MYBPC3: variants seen among roughly 807,000 people sequenced by gnomAD.
The protein encoded by MYBPC3 is myosin binding protein C3.
Under a neutral mutation model 159.3 loss-of-function variants are expected in MYBPC3, and 108 were observed. The ratio of observed to expected loss-of-function variants is 0.68; its 90% CI spans 0.58 to 0.80. The LOEUF is 0.80. Among genes scored for constraint, MYBPC3 ranks in the 30% least tolerant of loss-of-function variants. The pLI is 0.00. For missense variants in MYBPC3, 1,631 were observed against 1,762.1 expected (o/e 0.93, Z 1.33); for synonymous variants, 730 against 702.0 (o/e 1.04, Z -0.63).
At chr11:47,333,839 GC>G in intron 28 of MYBPC3, 82 bp downstream of exon 28, 1 of 1,549,076 alleles carries the variant, frequency 6.5e-7, no homozygotes, top group South Asian at 1.2e-5. Context: ...GATCAGGCCA[GC>G]CCTGAGACAT....
chr11:47,346,461 C>A lies in MYBPC3; in HGVS notation c.927-91G>T. ...GCCCAGGACCAAGGAGCTGTAGCCA[C>A]CCCTGTCCCTCTGCCCCTTCCCTTC... On this transcript the variant is annotated intron_variant, in intron 11 of 34. Coordinates refer to ENST00000545968, the MANE Select transcript of MYBPC3 (RefSeq NM_000256.3). The surrounding 1 kb of genome is among the most constrained non-coding windows in gnomAD (Gnocchi z 5.3). 6.8e-7 allele frequency: 1 copy of A among 1,466,062 alleles called. No homozygotes were observed. Among genetic ancestry groups the A allele is most frequent in the South Asian group, 1.4e-5 (1 of 71,396 alleles). The allele number at this position is 1,466,062 out of a possible 1,614,324, so 90.8% of individuals were successfully genotyped here.
intron 12 of MYBPC3, among the ~76,000 whole-genome samples, chr11:47,345,226 G>A (rs983831044): frequency 6.6e-6 from 1 of 152,218 alleles, no homozygotes; most frequent in Admixed American, 6.5e-5. Flanking sequence ...TCTGGGCTCA[G>A]CAGTTCAGGA....
In MYBPC3 at chr11:47,351,189, G is replaced by GGCCCACCCC; in HGVS notation, c.292+49_292+50insGGGGTGGGC. The GGCCCACCCC allele has an allele frequency of 6.9e-7, 1 of 1,449,130 alleles. No homozygotes were observed. Among genetic ancestry groups the GGCCCACCCC allele is most frequent in the Non-Finnish European group, 9.2e-7 (1 of 1,087,878 alleles). 89.8% of individuals were successfully genotyped at this position (1,449,130 alleles called of 1,614,324 possible). A position where few individuals can be genotyped will look rare whatever the true frequency, so the allele number is the denominator to read the frequency against. ...TGGATGGATGGAGAGTCGCTGGGCT[G>GGCCCACCCC]CCCCTCCCCCAGCAGCCCAAACCTC... On this transcript the variant is annotated intron_variant, in intron 2 of 34. Coordinates refer to ENST00000545968, the MANE Select transcript of MYBPC3 (RefSeq NM_000256.3). The surrounding 1 kb of genome is among the most constrained non-coding windows in gnomAD (Gnocchi z 4.2).
chr11:47,339,272 T>G, intron 22 of MYBPC3, 52 bp downstream of exon 22: 2 of 1,589,598 alleles, frequency 1.3e-6, no homozygotes. Flanking sequence ...ACCACGTAGG[T>G]AGAAAGTGAT....
rs2095886260 is a variant in MYBPC3, at chr11:47,339,661, G to A, written c.2057C>T (p.Ala686Val). 6.2e-7 allele frequency: 1 copy of A among 1,601,816 alleles called. No homozygotes were observed. The highest frequency in any genetic ancestry group is 8.5e-7 in the Non-Finnish European group (1 of 1,173,206). The change falls in exon 21 of 35, where the codon GCT (alanine) becomes GTT (valine). Residue 686 changes from alanine (A) to valine (V), a missense_variant. Coordinates refer to ENST00000545968, the MANE Select transcript of MYBPC3 (RefSeq NM_000256.3). ...DPAPTVIWQK[A>V]ITQGNKAPAR... ...AGGGACCCACAGTACCTGCGTGATA[G>A]CCTTCTGCCAGATCACAGTGGGAGC...
At chr11:47,339,156 G>A (rs1014849501) in intron 22 of MYBPC3, among the ~76,000 whole-genome samples, 168 bp downstream of exon 22, 2 of 152,242 alleles carry the variant, frequency 1.3e-5, no homozygotes, top group Non-Finnish European at 2.9e-5. Context: ...ACACTTCACA[G>A]AGACCCTCTG....
chr11:47,348,313 G>T (rs768354387), intron 6 of MYBPC3, 111 bp downstream of exon 6: 10 of 806,974 alleles, frequency 1.2e-5, no homozygotes, highest in Non-Finnish European at 1.8e-5. Context: ...CACGTGGCCA[G>T]CACTCATGTC....
chr11:47,337,574 T>A lies in MYBPC3; in HGVS notation c.2419A>T (p.Ile807Phe). 1 of 1,613,962 alleles carries A rather than the reference T, an allele frequency of 6.2e-7. No homozygotes were observed. Among genetic ancestry groups the A allele is most frequent in the South Asian group, 1.1e-5 (1 of 91,076 alleles). ...YDGGQPILGY[I>F]LERKKKKSYR... ...CTCTTCTTCTTCTTGCGCTCCAGGA[T>A]GTAGCCTGGCTCAGGGGAGGTGGCA... The change falls in exon 25 of 35, where the codon ATC becomes TTC. Residue 807 changes from isoleucine (I) to phenylalanine (F), a missense_variant. Coordinates refer to ENST00000545968, the MANE Select transcript of MYBPC3 (RefSeq NM_000256.3).
Position 47,339,424 on chromosome 11 carries a change from G to C in MYBPC3, c.2068-20C>G. On this transcript the variant is annotated intron_variant, in intron 21 of 34. Coordinates refer to ENST00000545968, the MANE Select transcript of MYBPC3 (RefSeq NM_000256.3). ...ATTCCCCTGGGAACAGGGCAGGAGGGAAGTAGGGAGCAGAGGAGCTGACTC... is the reference window on the plus strand; with the variant it reads ...ATTCCCCTGGGAACAGGGCAGGAGGCAAGTAGGGAGCAGAGGAGCTGACTC... The C allele has an allele frequency of 6.2e-7, 1 of 1,612,254 alleles. No individual in the cohort carries two copies. The highest frequency in any genetic ancestry group is 8.5e-7 in the Non-Finnish European group (1 of 1,178,374).
intron 17 of MYBPC3, 50 bp from the exon 18 acceptor site, chr11:47,342,206 C>T (rs2095889415): frequency 3.1e-6 from 5 of 1,593,130 alleles, no homozygotes; most frequent in Non-Finnish European, 4.3e-6. Flanking sequence ...GTGGGTGTGG[C>T]GTGAATCCCT....
rs1007623141 is a variant in MYBPC3, at chr11:47,335,906, C to T, written c.2708G>A (p.Gly903Asp). ...PERVGAGGLD[G>D]YSVEYCPEGC... Reference sequence around the variant, plus strand: ...CTCTGGGCAGTACTCCACGCTGTAGCCATCCAGGCCTCCTGCTCCCACGCG... The same window carrying T: ...CTCTGGGCAGTACTCCACGCTGTAGTCATCCAGGCCTCCTGCTCCCACGCG... Residue 903 changes from glycine to aspartate, a missense_variant, in exon 26 of 35, where the codon GGC (glycine) becomes GAC (aspartate). Physicochemically the swap from Gly to Asp is moderately conservative, Grantham distance 94. Transcript: ENST00000545968. The T allele has an allele frequency of 7.1e-6, 11 of 1,541,094 alleles. No homozygotes were observed. The highest frequency in any genetic ancestry group is 9.6e-6 in the Non-Finnish European group (11 of 1,141,958).
At chr11:47,340,856 C>G (rs903431074) in intron 20 of MYBPC3, 147 bp downstream of exon 20, 17 of 879,002 alleles carry the variant, frequency 1.9e-5, no homozygotes, top group Non-Finnish European at 2.7e-5. Context: ...TATAATTGAC[C>G]CATGGTCATG....
rs397515932 is a variant in MYBPC3 at position 47,341,166 on chromosome 11, G to A, written c.1869C>T (p.Cys623=). The change falls in exon 19 of 35, where the codon TGC becomes TGT. Residue 623 remains cysteine (C), a synonymous_variant. Coordinates refer to ENST00000545968, the MANE Select transcript of MYBPC3 (RefSeq NM_000256.3). ...DYSFVPEGFA[C]NLSAKLHFME... Reference sequence around the variant, plus strand: ...TGAAGTGGAGCTTGGCTGACAGGTTGCAGGCGAAGCCCTCGGGCACAAAGC... The same window carrying A: ...TGAAGTGGAGCTTGGCTGACAGGTTACAGGCGAAGCCCTCGGGCACAAAGC... 2.0e-5 allele frequency: 32 copies of A among 1,591,654 alleles called. No individual in the cohort carries two copies. Among genetic ancestry groups the A allele is most frequent in the Middle Eastern group, 1.7e-4 (1 of 6,030 alleles).
intron 9 of MYBPC3, 27 bp from the exon 10 acceptor site, chr11:47,347,056 T>G (rs1488492792): frequency 1.2e-6 from 1 of 844,444 alleles, no homozygotes; most frequent in East Asian, 2.4e-5. Flanking sequence ...GCAGCCATAA[T>G]GGAGGGGCCG....
Position 47,342,185 on chromosome 11 carries a change from C to T in MYBPC3, c.1625-29G>A, listed in dbSNP as rs117125624. On this transcript the variant is annotated intron_variant, in intron 17 of 34. Coordinates refer to ENST00000545968, the MANE Select transcript of MYBPC3 (RefSeq NM_000256.3). ...CAGGGCAGGGCAGAGCCATTGAGCT[C>T]GGGAGGGTGTGTGGGTGTGGCGTGA... 1.7e-4 allele frequency: 275 copies of T among 1,609,106 alleles called. 2 individuals are homozygous for T. The East Asian group carries it at 6.0e-3, about 35-fold the overall frequency.
rs1297361326 is a variant in MYBPC3, at chr11:47,332,905, A to G, written c.3399T>C (p.Asn1133=). 6.2e-7 allele frequency: 1 copy of G among 1,609,574 alleles called. No individual in the cohort carries two copies. Among genetic ancestry groups the G allele is most frequent in the Non-Finnish European group, 8.5e-7 (1 of 1,178,198 alleles). The change falls in exon 31 of 35, where the codon AAT becomes AAC. Residue 1133 remains asparagine, a synonymous_variant. Transcript: ENST00000545968. The surrounding 1 kb of genome is among the most constrained non-coding windows in gnomAD (Gnocchi z 4.2). ...HCVVPELIIG[N]GYYFRVFSQN... ...GGCTGAAGACGCGGAAGTAGTAGCCATTGCCAATGATGAGCTCTGGCACCA... is the reference window on the plus strand; with the variant it reads ...GGCTGAAGACGCGGAAGTAGTAGCCGTTGCCAATGATGAGCTCTGGCACCA...
chr11:47,341,285 AC>A (rs1399775020), intron 18 of MYBPC3, 41 bp from the exon 19 acceptor site: 4 of 1,496,580 alleles, frequency 2.7e-6, no homozygotes, highest in Non-Finnish European at 3.6e-6. Flanking sequence ...ACTGGGCCAC[AC>A]ACCCCTGGCC....
At chr11:47,333,070 G>A in intron 30 of MYBPC3, 97 bp from the exon 31 acceptor site, 3 of 1,526,488 alleles carry the variant, frequency 2.0e-6, no homozygotes, top group South Asian at 1.2e-5. Flanking sequence ...CCCCTACTAT[G>A]GAGGGATTCA....
intron 12 of MYBPC3, among the ~76,000 whole-genome samples, chr11:47,344,391 A>G (rs2095892246): frequency 1.3e-5 from 2 of 152,138 alleles, no homozygotes; most frequent in Non-Finnish European, 2.9e-5. Context: ...TGGGGGAAAT[A>G]GGGCTCAGAG....
Sources: allele counts gnomAD v4.1 joint callset (sites outside exome capture counted in the v4.1 genomes callset), GRCh38; gene constraint gnomAD v4.1.1; non-coding constraint Gnocchi (gnomAD v3.1); transcripts MANE v1.5; gene names NCBI Gene and HGNC (gene_info 2026-07-23, HGNC 2026-07-21).